The following ACOT11 variants were observed in gnomAD, a reference collection of about 807,000 sequenced individuals.
The protein encoded by ACOT11 is acyl-coenzyme A thioesterase 11.
In ACOT11, 69 loss-of-function variants were observed where a neutral mutation model predicts 77.5. That is an observed-to-expected ratio of 0.89 (90% CI 0.73 to 1.09). The LOEUF is 1.09. Ranked by LOEUF, ACOT11 falls within the 50% of genes least tolerant of loss-of-function variation. ACOT11 has a pLI of 0.00. For missense variants in ACOT11, 766 were observed against 813.7 expected, an observed-to-expected ratio of 0.94 and a Z score of 0.71; for synonymous variants, 279 against 313.0, an observed-to-expected ratio of 0.89 and a Z score of 1.15.
chr1:54,638,141 A>G (rs1293301466), exon 17 of ACOT11: 1 of 151,936 alleles, frequency 6.6e-6, no homozygotes, highest in South Asian at 2.1e-4. Context: ...AGATCTTAGA[A>G]GCGGCCAGAA....
intron 1 of ACOT11, among the ~76,000 whole-genome samples, chr1:54,575,711 A>G (rs535667858): frequency 2.0e-5 from 3 of 152,342 alleles, no homozygotes; most frequent in African/African-American, 7.2e-5. Flanking sequence ...AATTAATTGA[A>G]CCTTGTCACA....
chr1:54,573,775 A>G (rs1046860323), intron 1 of ACOT11, among the ~76,000 whole-genome samples: 4 of 152,174 alleles, frequency 2.6e-5, no homozygotes, highest in African/African-American at 9.7e-5. Context: ...CACACCTGCA[A>G]TCCTAGCACT....
At chr1:54,622,711 C>T (rs1644241680) in intron 15 of ACOT11, among the ~76,000 whole-genome samples, 1 of 151,954 alleles carries the variant, frequency 6.6e-6, no homozygotes, top group Non-Finnish European at 1.5e-5. Flanking sequence ...TGCACTCCAG[C>T]CTGGGGGACA....
In ACOT11 at chr1:54,607,857, G is replaced by A; in HGVS notation, c.1503-85G>A. On this transcript the variant is annotated intron_variant, in intron 14 of 15. Transcript: ENST00000343744. This position sits in a 1 kb window ranked among gnomAD's most constrained non-coding sequence, Gnocchi z 4.5. ...TGAGGAATCTGTGCTAGAGGGGGCA[G>A]GGTCTCGGCCTTGGTTGGGCAGAAC... The A allele has an allele frequency of 3.2e-6, 5 of 1,555,092 alleles. No individual in the cohort carries two copies. The highest frequency in any genetic ancestry group is 4.4e-6 in the Non-Finnish European group (5 of 1,139,300).
At chr1:54,568,358 CTTTTTTTTTTTT>C in intron 1 of ACOT11, among the ~76,000 whole-genome samples, 1 of 80,592 alleles carries the variant, frequency 1.2e-5, no homozygotes, top group South Asian at 5.2e-4. Context: ...TTCCCAGCAC[CTTTTTTTTTTTT>C]TTTTTTTTTT....
intron 3 of ACOT11, among the ~76,000 whole-genome samples, chr1:54,587,762 A>G (rs1176765971): frequency 1.3e-5 from 2 of 151,084 alleles, no homozygotes; most frequent in Non-Finnish European, 3.0e-5. Context: ...GGGTTTCACC[A>G]TGTTGGCCAA....
chr1:54,639,130 G>A (rs1367628048), exon 17 of ACOT11: 1 of 148,284 alleles, frequency 6.7e-6, no homozygotes, highest in Non-Finnish European at 1.5e-5. Context: ...GGGAGGTCGA[G>A]GCTGCAGTGA....
chr1:54,572,018 C>T (rs1653945003), intron 1 of ACOT11, among the ~76,000 whole-genome samples: 1 of 151,878 alleles, frequency 6.6e-6, no homozygotes, highest in South Asian at 2.1e-4. Context: ...CTGGCTGCAG[C>T]CAGAATTTGG....
intron 16 of ACOT11, chr1:54,634,600 A>G (rs1394455625): frequency 1.5e-5 from 10 of 687,778 alleles, no homozygotes; most frequent in Non-Finnish European, 2.4e-5. Flanking sequence ...TGAATCTAGC[A>G]TTATTTGGTG....
chr1:54,573,052 A>G, intron 1 of ACOT11: 1 of 985,430 alleles, frequency 1.0e-6, no homozygotes, highest in African/African-American at 1.7e-5. Flanking sequence ...GGGTACTGAC[A>G]CCATCACGGC....
At chr1:54,612,580 C>T (rs1557670045), downstream of ACOT11, 2 of 1,614,088 alleles carry the variant, frequency 1.2e-6, no homozygotes, top group Non-Finnish European at 1.7e-6. Flanking sequence ...GGCACTCCTC[C>T]CACCAGCTCG....
At chr1:54,554,351 A>ATATATTT (rs1553161034) in intron 1 of ACOT11, among the ~76,000 whole-genome samples, 8 of 97,258 alleles carry the variant, frequency 8.2e-5, no homozygotes, top group East Asian at 2.9e-4. Context: ...ATATATATAT[A>ATATATTT]TTTTTTTTTT....
chr1:54,621,911 A>G (rs1411681638), intron 15 of ACOT11: 1 of 152,360 alleles, frequency 6.6e-6, no homozygotes, highest in African/African-American at 2.4e-5. Flanking sequence ...ACTCCCAAGA[A>G]GGGCACAGGA....
Position 54,594,012 on chromosome 1 carries a change from C to T in ACOT11, c.444C>T (p.Thr148=), listed in dbSNP as rs2100990220. 2 of 1,614,056 alleles carry T rather than the reference C, an allele frequency of 1.2e-6. No individual in the cohort carries two copies. Among genetic ancestry groups the T allele is most frequent in the South Asian group, 2.2e-5 (2 of 91,080 alleles). Residue 148 remains threonine (T), a synonymous_variant, in exon 5 of 16, where the codon ACC becomes ACT. Coordinates refer to ENST00000343744, the MANE Select transcript of ACOT11 (RefSeq NM_147161.4). ...KQWNVCKALA[T]FVARREITKV... is the part of the protein sequence containing the mutation. ...GGAATGTGTGCAAGGCCTTGGCCAC[C>T]TTCGTGGCCCGCCGAGAGATCACCA...
intron 1 of ACOT11, among the ~76,000 whole-genome samples, chr1:54,554,712 T>C (rs945510661): frequency 2.0e-5 from 3 of 152,130 alleles, no homozygotes; most frequent in Admixed American, 6.6e-5. Context: ...ATGTCTTGGC[T>C]ATTGTGAAGA....
chr1:54,560,599 G>A (rs1653437197), intron 1 of ACOT11, among the ~76,000 whole-genome samples: 1 of 152,210 alleles, frequency 6.6e-6, no homozygotes, highest in Non-Finnish European at 1.5e-5. Context: ...TGCGATCATA[G>A]CTCACTGAAG....
rs894772798 is a variant in ACOT11 at position 54,584,775 on chromosome 1, C to T, written c.154C>T (p.Leu52=). 2.5e-6 allele frequency: 4 copies of T among 1,613,964 alleles called. No individual in the cohort carries two copies. The highest frequency in any genetic ancestry group is 3.4e-6 in the Non-Finnish European group (4 of 1,180,018). Residue 52 remains leucine (L), a synonymous_variant, in exon 2 of 16, where the codon CTG becomes TTG. Coordinates refer to ENST00000343744, the MANE Select transcript of ACOT11 (RefSeq NM_147161.4). This position sits in a 1 kb window ranked among gnomAD's most constrained non-coding sequence, Gnocchi z 6.3. ...RNPTEVQMSQ[L]VLPCHTNQRG... ...CCCCACGGAGGTGCAGATGAGCCAGCTGGTGCTGCCCTGCCACACCAACCA... is the reference window on the plus strand; with the variant it reads ...CCCCACGGAGGTGCAGATGAGCCAGTTGGTGCTGCCCTGCCACACCAACCA...
At chr1:54,595,946 T>A (rs1654882943) in intron 6 of ACOT11, among the ~76,000 whole-genome samples, 1 of 152,186 alleles carries the variant, frequency 6.6e-6, no homozygotes, top group Non-Finnish European at 1.5e-5. Context: ...TGCCCTGAGT[T>A]CCATGTGCCC....
intron 5 of ACOT11, 43 bp downstream of exon 5, chr1:54,594,082 T>A: frequency 1.9e-6 from 3 of 1,573,316 alleles, no homozygotes; most frequent in Non-Finnish European, 2.6e-6. Flanking sequence ...CTCAGTGACC[T>A]GGGCACCTGC....
Sources: allele counts gnomAD v4.1 joint callset (sites outside exome capture counted in the v4.1 genomes callset), GRCh38; gene constraint gnomAD v4.1.1; non-coding constraint Gnocchi (gnomAD v3.1); transcripts MANE v1.5; gene names NCBI Gene and HGNC (gene_info 2026-07-23, HGNC 2026-07-21).